Variants in UNC13C observed in about 807,000 individuals in gnomAD.
UNC13C encodes the protein protein unc-13 homolog C.
UNC13C carries 174 observed loss-of-function variants against 245.4 expected under a neutral mutation model. The observed-to-expected ratio is 0.71, with a 90% CI of 0.63 to 0.80. The LOEUF (loss-of-function observed/expected upper bound fraction) is 0.80. UNC13C is among the 30% of genes least tolerant of loss of function. The pLI is 0.00. For missense variants in UNC13C, 2,829 were observed against 2,602.9 expected (o/e 1.09, Z -1.89); for synonymous variants, 992 against 895.1 (o/e 1.11, Z -1.93).
At chr15:54,142,876 T>A in intron 2 of UNC13C, 142 bp from the exon 3 acceptor site, 4 of 701,442 alleles carry the variant, frequency 5.7e-6, no homozygotes, top group Non-Finnish European at 9.7e-6. Flanking sequence ...CCTTGTACCC[T>A]TGGGCTCAAC....
intron 2 of UNC13C, among the ~76,000 whole-genome samples, chr15:54,102,571 A>G (rs1900220221): frequency 6.6e-6 from 1 of 152,226 alleles, no homozygotes; most frequent in South Asian, 2.1e-4. Flanking sequence ...GTTTTATAGG[A>G]TGCAAGAAAA....
Position 54,332,697 on chromosome 15 carries a change from ATATCT to A in UNC13C, c.4494+589_4494+593del, listed in dbSNP as rs759924712. On this transcript the variant is annotated intron_variant, in intron 15 of 32. Coordinates refer to ENST00000260323, the MANE Select transcript of UNC13C (RefSeq NM_001080534.3). ...ACACACATATAATTTTAGTTACAAA[ATATCT>A]TAGTTATAAAAATTTAGTTACAAAT... is the stretch of plus-strand genomic sequence containing the variant. 1.3e-3 allele frequency among the ~76,000 whole-genome samples: 198 copies of A among 152,172 alleles called. 1 individual carries two copies. Among genetic ancestry groups the A allele is most frequent in the Non-Finnish European group, 2.3e-3 (154 of 67,954 alleles).
chr15:54,298,109 G>A (rs74015141), intron 12 of UNC13C, among the ~76,000 whole-genome samples, 183 bp downstream of exon 12: 2,243 of 152,136 alleles, frequency 0.015, 63 homozygotes, highest in African/African-American at 0.051. Context: ...TACCCCTGAC[G>A]AACTTGTCAT....
In UNC13C at chr15:54,014,260, G is replaced by C; in HGVS notation, c.1357G>C (p.Asp453His). 1.9e-6 allele frequency: 3 copies of C among 1,613,922 alleles called. No individual in the cohort carries two copies. The highest frequency in any genetic ancestry group is 2.5e-6 in the Non-Finnish European group (3 of 1,179,850). ...CAATTGGCAGTCACCTGATGACAGT[G>C]ATGAAGATCTTGAATCTGACCTCAA... is the stretch of plus-strand genomic sequence containing the variant. ...KNNWQSPDDS[D>H]EDLESDLNRN... The change falls in exon 2 of 33, where the codon GAT (aspartate) becomes CAT (histidine). Residue 453 changes from aspartate to histidine, a missense_variant. By Grantham distance (81) the Asp-to-His change is moderately conservative. Transcript: ENST00000260323.
At chr15:54,357,552 T>A (rs1028806818) in intron 17 of UNC13C, among the ~76,000 whole-genome samples, 1 of 152,062 alleles carries the variant, frequency 6.6e-6, no homozygotes, top group African/African-American at 2.4e-5. Flanking sequence ...TTTTGTACAC[T>A]GATAAATATT....
At chr15:54,483,049 A>G (rs746554067) in intron 19 of UNC13C, among the ~76,000 whole-genome samples, 1 of 152,230 alleles carries the variant, frequency 6.6e-6, no homozygotes, top group Non-Finnish European at 1.5e-5. Flanking sequence ...TAAATTTTAC[A>G]GTGAATATTA....
At chr15:54,418,535 C>G (rs2040568175) in intron 19 of UNC13C, among the ~76,000 whole-genome samples, 1 of 152,038 alleles carries the variant, frequency 6.6e-6, no homozygotes, top group Non-Finnish European at 1.5e-5. Context: ...CTTATGAGCA[C>G]CTGGTGCATT....
chr15:54,441,654 A>G (rs1890530904), intron 19 of UNC13C, among the ~76,000 whole-genome samples: 1 of 151,744 alleles, frequency 6.6e-6, no homozygotes, highest in South Asian at 2.1e-4. Flanking sequence ...TTTTGATCTG[A>G]ATTTCTTGGG....
At chr15:54,449,733 G>T (rs1335214803) in intron 19 of UNC13C, among the ~76,000 whole-genome samples, 2 of 152,130 alleles carry the variant, frequency 1.3e-5, no homozygotes, top group African/African-American at 4.8e-5. Context: ...TCCTCCTTTA[G>T]CTTGGAGAAG....
chr15:54,433,579 T>C (rs567423235), intron 19 of UNC13C, among the ~76,000 whole-genome samples: 11 of 152,106 alleles, frequency 7.2e-5, no homozygotes, highest in Non-Finnish European at 1.6e-4. Flanking sequence ...TGATGGAACA[T>C]ATCTCAAAAT....
At chr15:54,629,041 G>A (rs537031502), downstream of UNC13C, 1 of 152,066 alleles carries the variant, frequency 6.6e-6, no homozygotes, top group Admixed American at 6.6e-5. Flanking sequence ...CATCCTAAAT[G>A]CCCATCAACA....
At chr15:54,006,586 A>G (rs766195591) in intron 1 of UNC13C, among the ~76,000 whole-genome samples, 70 of 152,324 alleles carry the variant, frequency 4.6e-4, no homozygotes, top group South Asian at 4.1e-4. Context: ...CATCAGTCAC[A>G]TTATATACAC....
intron 2 of UNC13C, among the ~76,000 whole-genome samples, chr15:54,016,699 T>A (rs980575214): frequency 9.9e-5 from 15 of 152,236 alleles, no homozygotes; most frequent in African/African-American, 3.4e-4. Flanking sequence ...TTTGTTTACT[T>A]TCTATTTCTC....
At chr15:54,183,620 A>T (rs1461203695) in intron 4 of UNC13C, among the ~76,000 whole-genome samples, 1 of 152,060 alleles carries the variant, frequency 6.6e-6, no homozygotes, top group Non-Finnish European at 1.5e-5. Flanking sequence ...TAGGGCATTT[A>T]TAGAACTGAA....
intron 13 of UNC13C, among the ~76,000 whole-genome samples, chr15:54,310,777 T>C (rs892956435): frequency 6.9e-6 from 1 of 143,886 alleles, no homozygotes; most frequent in Non-Finnish European, 1.5e-5. Flanking sequence ...TATCTATATC[T>C]ATATATATGT....
At chr15:54,217,437 T>A (rs2035075716) in intron 4 of UNC13C, among the ~76,000 whole-genome samples, 2 of 151,932 alleles carry the variant, frequency 1.3e-5, no homozygotes, top group African/African-American at 4.8e-5. Context: ...ATCAGAACTT[T>A]GTCGACCTGC....
At chr15:54,212,354 T>G (rs1175196569) in intron 4 of UNC13C, among the ~76,000 whole-genome samples, 2 of 152,102 alleles carry the variant, frequency 1.3e-5, no homozygotes. Context: ...GAAACATGCC[T>G]GATTTTAAGT....
At chr15:54,437,122 C>G (rs751324809) in intron 19 of UNC13C, among the ~76,000 whole-genome samples, 1 of 151,832 alleles carries the variant, frequency 6.6e-6, no homozygotes, top group Non-Finnish European at 1.5e-5. Flanking sequence ...GTCTTTTCCC[C>G]ATTGTAAAAT....
At chr15:54,439,349 G>A (rs368951429) in intron 19 of UNC13C, among the ~76,000 whole-genome samples, 20 of 151,868 alleles carry the variant, frequency 1.3e-4, no homozygotes, top group East Asian at 5.8e-4. Flanking sequence ...GGTTTCTTTC[G>A]ACTATGTAAT....
Sources: allele counts gnomAD v4.1 joint callset (sites outside exome capture counted in the v4.1 genomes callset), GRCh38; gene constraint gnomAD v4.1.1; transcripts MANE v1.5; gene names NCBI Gene and HGNC (gene_info 2026-07-23, HGNC 2026-07-21).